The following NR3C2 variants were observed in gnomAD, a reference collection of about 807,000 sequenced individuals.
NR3C2 encodes mineralocorticoid receptor.
NR3C2 carries 15 observed loss-of-function variants against 86.4 expected under a neutral mutation model. The ratio of observed to expected loss-of-function variants is 0.17; its 90% CI spans 0.12 to 0.27. NR3C2 has a LOEUF of 0.27. NR3C2 is among the 10% of genes least tolerant of loss of function. The probability of loss-of-function intolerance (pLI) is 1.00; values close to 1 mark genes in which losing one functional copy is unlikely to be tolerated. For synonymous variants in NR3C2, 458 were observed against 450.5 expected (o/e 1.02, Z -0.21); for missense variants, 960 against 1,195.6 (o/e 0.80, Z 2.91).
chr4:148,393,968 A>G (rs1747724390), intron 2 of NR3C2, among the ~76,000 whole-genome samples: 1 of 152,216 alleles, frequency 6.6e-6, no homozygotes, highest in African/African-American at 2.4e-5. Context: ...GCTAGGCAGA[A>G]GTGACACTGT....
intron 6 of NR3C2, among the ~76,000 whole-genome samples, chr4:148,129,740 C>T (rs7666711): frequency 0.18 from 27,038 of 152,002 alleles, 2,981 homozygotes; most frequent in Middle Eastern, 0.31. Context: ...GGATTACAGG[C>T]GCGTGCCACC....
intron 2 of NR3C2, among the ~76,000 whole-genome samples, chr4:148,287,080 A>T (rs1355553762): frequency 6.6e-6 from 1 of 152,246 alleles, no homozygotes; most frequent in African/African-American, 2.4e-5. Flanking sequence ...CAAGTAAGGG[A>T]TGGCCCATGA....
intron 2 of NR3C2, among the ~76,000 whole-genome samples, chr4:148,397,453 G>A (rs1477339087): frequency 6.6e-6 from 1 of 152,192 alleles, no homozygotes; most frequent in Non-Finnish European, 1.5e-5. Flanking sequence ...TAATCTCTGT[G>A]CTGTGGATAA....
chr4:148,233,853 A>G (rs1738594347), intron 3 of NR3C2, among the ~76,000 whole-genome samples: 1 of 152,158 alleles, frequency 6.6e-6, no homozygotes, highest in South Asian at 2.1e-4. Flanking sequence ...AATAATAATA[A>G]TAATGAAAAA....
At chr4:148,188,355 A>T (rs1489043731) in intron 4 of NR3C2, among the ~76,000 whole-genome samples, 1 of 152,098 alleles carries the variant, frequency 6.6e-6, no homozygotes, top group Non-Finnish European at 1.5e-5. Context: ...TGAGCATGGG[A>T]TGTGTTTCCA....
At chr4:148,301,199 T>A (rs183429580) in intron 2 of NR3C2, among the ~76,000 whole-genome samples, 1 of 152,218 alleles carries the variant, frequency 6.6e-6, no homozygotes, top group African/African-American at 2.4e-5. Context: ...TAGTTATATA[T>A]GTATTGAGTG....
At chr4:148,263,806 T>C (rs185258698) in intron 2 of NR3C2, among the ~76,000 whole-genome samples, 1 of 152,146 alleles carries the variant, frequency 6.6e-6, no homozygotes, top group Non-Finnish European at 1.5e-5. Context: ...GGCCCTGATG[T>C]TCCCCCAGCA....
intron 2 of NR3C2, among the ~76,000 whole-genome samples, chr4:148,284,391 A>G (rs1741411653): frequency 6.6e-6 from 1 of 152,172 alleles, no homozygotes; most frequent in South Asian, 2.1e-4. Flanking sequence ...TTTGCTGATG[A>G]AGGTGTGAAT....
At chr4:148,386,769 C>T (rs540874165) in intron 2 of NR3C2, among the ~76,000 whole-genome samples, 1 of 152,342 alleles carries the variant, frequency 6.6e-6, no homozygotes, top group South Asian at 2.1e-4. Context: ...GAAAGGACCA[C>T]AGAATGTTAA....
At chr4:148,322,286 A>G (rs1370987376) in intron 2 of NR3C2, among the ~76,000 whole-genome samples, 8 of 148,458 alleles carry the variant, frequency 5.4e-5, no homozygotes, top group Non-Finnish European at 9.0e-5. Context: ...GGGTAACCTG[A>G]CCTTTCTCTC....
chr4:148,178,252 A>G (rs1245322347), intron 4 of NR3C2, among the ~76,000 whole-genome samples: 1 of 151,696 alleles, frequency 6.6e-6, no homozygotes, highest in African/African-American at 2.4e-5. Flanking sequence ...AATCACTTGA[A>G]CCCGGGAGGC....
At chr4:148,155,100 T>C (rs921046199) in intron 4 of NR3C2, among the ~76,000 whole-genome samples, 199 bp from the exon 5 acceptor site, 1 of 152,180 alleles carries the variant, frequency 6.6e-6, no homozygotes, top group Admixed American at 6.5e-5. Flanking sequence ...AACTCCTTCC[T>C]TCTTTCATTC....
At chr4:148,085,303 A>G (rs1730762053) in intron 8 of NR3C2, among the ~76,000 whole-genome samples, 1 of 152,244 alleles carries the variant, frequency 6.6e-6, no homozygotes, top group African/African-American at 2.4e-5. Context: ...CTGTCAGACC[A>G]CAGTGCCATC....
chr4:148,091,949 A>T (rs571280388), intron 8 of NR3C2, among the ~76,000 whole-genome samples: 1 of 152,218 alleles, frequency 6.6e-6, no homozygotes, highest in Admixed American at 6.5e-5. Context: ...CACCAAGAAG[A>T]GTTCAGTTCA....
chr4:148,343,398 C>T (rs1303264145), intron 2 of NR3C2, among the ~76,000 whole-genome samples: 3 of 151,430 alleles, frequency 2.0e-5, no homozygotes, highest in African/African-American at 4.9e-5. Context: ...GCGGGATATC[C>T]GCCCCCCCGA....
intron 8 of NR3C2, among the ~76,000 whole-genome samples, chr4:148,100,543 A>G (rs538475790): frequency 6.6e-6 from 1 of 152,354 alleles, no homozygotes; most frequent in South Asian, 2.1e-4. Context: ...CATGAAGATG[A>G]GCACTAAAAA....
intron 2 of NR3C2, among the ~76,000 whole-genome samples, chr4:148,352,354 C>T (rs1180226113): frequency 6.6e-6 from 1 of 151,060 alleles, no homozygotes; most frequent in Non-Finnish European, 1.5e-5. Context: ...TAAATCTTAA[C>T]TCTACATACA....
chr4:148,234,626 T>C (rs1579048565), intron 3 of NR3C2, among the ~76,000 whole-genome samples: 1 of 147,716 alleles, frequency 6.8e-6, no homozygotes, highest in East Asian at 2.0e-4. Context: ...GAGGTTGCAG[T>C]GAGCCAAGAT....
intron 2 of NR3C2, among the ~76,000 whole-genome samples, chr4:148,357,918 GA>G (rs1296256116): frequency 6.6e-6 from 1 of 152,108 alleles, no homozygotes; most frequent in African/African-American, 2.4e-5. Context: ...GTTGTAAGAG[GA>G]AAAAATACAA....
Sources: gnomAD v4.1 joint callset for allele counts (sites outside exome capture counted in the v4.1 genomes callset) on GRCh38, gnomAD v4.1.1 for gene constraint, MANE v1.5 for transcripts, NCBI Gene and HGNC (gene_info 2026-07-23, HGNC 2026-07-21) for gene names.